ATP13A5: variants seen among roughly 807,000 people sequenced by gnomAD.
ATP13A5 encodes the protein probable cation-transporting ATPase 13A5.
In ATP13A5, 149 loss-of-function variants were observed where a neutral mutation model predicts 150.2. The observed-to-expected ratio is 0.99, with a 90% CI of 0.87 to 1.14. The LOEUF is 1.14. Ranked by LOEUF, ATP13A5 falls within the 50% of genes most tolerant of loss-of-function variation. The pLI is 0.00. For missense variants in ATP13A5, 1,383 were observed against 1,449.3 expected (o/e 0.95, Z 0.74); for synonymous variants, 497 against 522.2 (o/e 0.95, Z 0.66).
chr3:193,353,379 A>T (rs758038397), intron 6 of ATP13A5, among the ~76,000 whole-genome samples: 2 of 152,180 alleles, frequency 1.3e-5, no homozygotes, highest in Non-Finnish European at 2.9e-5. Flanking sequence ...AAAATAAAAC[A>T]CTAACAAAGG....
At chr3:193,289,824 C>T in intron 26 of ATP13A5, 61 bp downstream of exon 26, 1 of 1,471,274 alleles carries the variant, frequency 6.8e-7, no homozygotes, top group Non-Finnish European at 9.1e-7. Flanking sequence ...CCAAGTTATG[C>T]AATGTCATTG....
chr3:193,299,451 T>C (rs1017552532), intron 24 of ATP13A5, among the ~76,000 whole-genome samples: 1 of 152,162 alleles, frequency 6.6e-6, no homozygotes, highest in Admixed American at 6.6e-5. Flanking sequence ...ACCCTCCTAT[T>C]GGGTGCATTA....
intron 25 of ATP13A5, among the ~76,000 whole-genome samples, chr3:193,292,544 C>T (rs544727448): frequency 1.2e-4 from 19 of 152,160 alleles, no homozygotes; most frequent in Non-Finnish European, 2.2e-4. Context: ...GCTTGCACAG[C>T]CGGGCTTGCC....
intron 25 of ATP13A5, among the ~76,000 whole-genome samples, chr3:193,298,776 G>C (rs1337449540): frequency 6.6e-6 from 1 of 152,126 alleles, no homozygotes; most frequent in African/African-American, 2.4e-5. Context: ...AAAAAATCTG[G>C]TTTCACGTCA....
intron 25 of ATP13A5, among the ~76,000 whole-genome samples, chr3:193,291,329 T>C (rs1198672768): frequency 6.6e-6 from 1 of 152,128 alleles, no homozygotes; most frequent in Non-Finnish European, 1.5e-5. Flanking sequence ...CCACCTGCCT[T>C]CAAAGAGTTT....
At chr3:193,323,914 T>A (rs1719377915) in intron 14 of ATP13A5, 1 of 152,218 alleles carries the variant, frequency 6.6e-6, no homozygotes, top group South Asian at 2.1e-4. Flanking sequence ...TACTGTATTT[T>A]ATACATCATT....
chr3:193,353,736 G>A (rs1039711803), intron 6 of ATP13A5, among the ~76,000 whole-genome samples: 5 of 152,166 alleles, frequency 3.3e-5, no homozygotes, highest in South Asian at 2.1e-4. Flanking sequence ...GGTCCTCACC[G>A]GGAACTGAAT....
At chr3:193,275,423 G>A in intron 29 of ATP13A5, 121 bp from the exon 30 acceptor site, 1 of 1,117,184 alleles carries the variant, frequency 9.0e-7, no homozygotes. Flanking sequence ...CATTGCTGTT[G>A]CATCTACCTC....
chr3:193,288,981 A>G (rs1346261568), intron 26 of ATP13A5, among the ~76,000 whole-genome samples: 1 of 152,116 alleles, frequency 6.6e-6, no homozygotes, highest in Non-Finnish European at 1.5e-5. Context: ...TATGCACTCC[A>G]ATTTTGGAAA....
chr3:193,282,762 A>G lies in ATP13A5; in HGVS notation c.3226+2152T>C, dbSNP rs915287036. 7.2e-5 allele frequency among the ~76,000 whole-genome samples: 11 copies of G among 152,244 alleles called. No homozygotes were observed. The East Asian group carries it at 1.7e-3, about 24-fold the overall frequency. On this transcript the variant is annotated intron_variant, in intron 27 of 29. Transcript: ENST00000342358. ...TGCTAAGAGACCTTAACAAAAAGCA[A>G]GAATAAATGGGGAGACATGACATGT...
intron 27 of ATP13A5, among the ~76,000 whole-genome samples, chr3:193,280,485 A>G (rs1272352748): frequency 2.0e-5 from 3 of 152,184 alleles, no homozygotes; most frequent in African/African-American, 7.2e-5. Context: ...CTGGACTGTG[A>G]CCATTTGAAA....
intron 12 of ATP13A5, among the ~76,000 whole-genome samples, chr3:193,327,388 G>A (rs910973386): frequency 2.6e-5 from 4 of 152,160 alleles, no homozygotes; most frequent in Admixed American, 6.5e-5. Flanking sequence ...GAATCAGCTC[G>A]AGTCTGACTT....
Position 193,362,432 on chromosome 3 carries a change from T to C in ATP13A5, c.485A>G (p.Asp162Gly), listed in dbSNP as rs763889806. Reference protein sequence around the residue: ...GLLEDSNSCSDIHQTFGLGLT... With the variant: ...GLLEDSNSCSGIHQTFGLGLT... The stretch of plus-strand genomic sequence containing the variant: ...ACCCAATCCAAATGTCTGATGGATG[T>C]CAGAGCAGGAATTGCTGTCTTCTAG... The change falls in exon 5 of 30, where the codon GAC (aspartate) becomes GGC (glycine). Residue 162 changes from aspartate (D) to glycine (G), a missense_variant. Physicochemically the swap from Asp to Gly is moderately conservative, Grantham distance 94. Coordinates refer to ENST00000342358, the MANE Select transcript of ATP13A5 (RefSeq NM_198505.4). 1 of 1,613,982 alleles carries C rather than the reference T, an allele frequency of 6.2e-7. No individual in the cohort carries two copies.
At chr3:193,296,733 G>T (rs1291049391) in intron 25 of ATP13A5, among the ~76,000 whole-genome samples, 1 of 151,978 alleles carries the variant, frequency 6.6e-6, no homozygotes, top group Non-Finnish European at 1.5e-5. Context: ...GAATATTAAT[G>T]GTAGTTTAAT....
chr3:193,365,923 G>A (rs1296461483), intron 1 of ATP13A5, among the ~76,000 whole-genome samples: 1 of 151,976 alleles, frequency 6.6e-6, no homozygotes, highest in Non-Finnish European at 1.5e-5. Context: ...TAATTTTTTA[G>A]GAAAAGTAAG....
chr3:193,371,281 T>A (rs1488109453), intron 1 of ATP13A5, among the ~76,000 whole-genome samples: 1 of 152,214 alleles, frequency 6.6e-6, no homozygotes, highest in African/African-American at 2.4e-5. Context: ...AAAAAACAGC[T>A]ATACAGTGTT....
Position 193,331,834 on chromosome 3 carries a change from C to T in ATP13A5, c.1273-523G>A, listed in dbSNP as rs534763828. Reference sequence around the variant, plus strand: ...GTTGCTCTCTATAACAACCTTATGACGTAAATACTATTATTTTCTCCATTT... The same window carrying T: ...GTTGCTCTCTATAACAACCTTATGATGTAAATACTATTATTTTCTCCATTT... On this transcript the variant is annotated intron_variant, in intron 11 of 29. Coordinates refer to ENST00000342358, the MANE Select transcript of ATP13A5 (RefSeq NM_198505.4). Among the ~76,000 whole-genome samples the T allele has an allele frequency of 1.1e-4, 16 of 152,228 alleles. No homozygotes were observed. In the East Asian group the frequency reaches 1.4e-3, roughly 13 times the overall value.
chr3:193,358,524 C>T lies in ATP13A5; in HGVS notation c.536+3857G>A, dbSNP rs376213159. Reference sequence around the variant, plus strand: ...TTATGGAAGGAAAACATCTCTATTTCATTACAGCTTGAACCTGCTTGTGTA... The same window carrying T: ...TTATGGAAGGAAAACATCTCTATTTTATTACAGCTTGAACCTGCTTGTGTA... On this transcript the variant is annotated intron_variant, in intron 5 of 29. Transcript: ENST00000342358. Among the ~76,000 whole-genome samples the T allele has an allele frequency of 3.3e-5, 5 of 152,204 alleles. No homozygotes were observed. In the East Asian group the frequency reaches 9.6e-4, roughly 29 times the overall value.
At chr3:193,302,927 A>C (rs1218391972) in intron 23 of ATP13A5, among the ~76,000 whole-genome samples, 1 of 152,190 alleles carries the variant, frequency 6.6e-6, no homozygotes, top group Non-Finnish European at 1.5e-5. Context: ...CTAGCGTCTT[A>C]CTGAGCCATC....
Sources: allele counts gnomAD v4.1 joint callset (sites outside exome capture counted in the v4.1 genomes callset), GRCh38; gene constraint gnomAD v4.1.1; transcripts MANE v1.5; gene names NCBI Gene and HGNC (gene_info 2026-07-23, HGNC 2026-07-21).